CNNM3: variants seen among roughly 807,000 people sequenced by gnomAD.
The protein encoded by CNNM3 is metal transporter CNNM3.
CNNM3 carries 47 observed loss-of-function variants against 57.1 expected under a neutral mutation model. The observed-to-expected ratio is 0.82, with a 90% CI of 0.65 to 1.05. The LOEUF is 1.05. Ranked by LOEUF, CNNM3 falls within the 50% of genes least tolerant of loss-of-function variation. The pLI is 0.00. For missense variants in CNNM3, 957 were observed against 973.7 expected (o/e 0.98, Z 0.23); for synonymous variants, 507 against 478.2 (o/e 1.06, Z -0.79).
rs920332908 is a variant in CNNM3 at position 96,828,261 on chromosome 2, A to G, written c.1786+66A>G. 7 of 1,333,974 alleles carry G rather than the reference A, an allele frequency of 5.2e-6. No homozygotes were observed. The East Asian group carries it at 1.7e-4, about 32-fold the overall frequency. 82.6% of individuals were successfully genotyped at this position (1,333,974 alleles called of 1,614,324 possible). A position where few individuals can be genotyped will look rare whatever the true frequency, so the allele number is the denominator to read the frequency against. ...GCTGCAGAGCCTGTCCCCCATCATC[A>G]CTTGGGCTCTCAGTGCCCCTCCTCA... On this transcript the variant is annotated intron_variant, in intron 5 of 7. Coordinates refer to ENST00000305510, the MANE Select transcript of CNNM3 (RefSeq NM_017623.5).
chr2:96,826,536 C>T (rs1472272855), intron 2 of CNNM3, among the ~76,000 whole-genome samples: 1 of 152,202 alleles, frequency 6.6e-6, no homozygotes, highest in African/African-American at 2.4e-5. Context: ...AGTTTTTAGT[C>T]TACATCCAGT....
In CNNM3 at chr2:96,816,799, G is replaced by C. The variant is rs1559005073; in HGVS notation, c.522G>C (p.Ser174=). ...AEVQVLRESG[S]EAERAAARRL... ...TGCAGGTGCTGCGCGAGAGCGGCTC[G>C]GAGGCGGAGCGTGCGGCGGCGCGGC... is the stretch of plus-strand genomic sequence containing the variant. Residue 174 remains serine, a synonymous_variant, in exon 1 of 8, where the codon TCG becomes TCC. Transcript: ENST00000305510. 9.8e-7 allele frequency: 1 copy of C among 1,025,600 alleles called. No individual in the cohort carries two copies. The highest frequency in any genetic ancestry group is 5.8e-5 in the Admixed American group (1 of 17,368). The allele number at this position is 1,025,600 out of a possible 1,614,324, so 63.5% of individuals were successfully genotyped here.
chr2:96,833,207 C>T lies in CNNM3; in HGVS notation c.*591C>T, dbSNP rs890682058. On this transcript the variant is annotated 3_prime_UTR_variant, in exon 8 of 8. Transcript: ENST00000305510. ...TGTGCCAAACCAGAAGCTCCACTGCCCGTAGGCTGTCCCTGTAGCCCTGCT... is the reference window on the plus strand; with the variant it reads ...TGTGCCAAACCAGAAGCTCCACTGCTCGTAGGCTGTCCCTGTAGCCCTGCT... 4.0e-5 allele frequency: 15 copies of T among 378,272 alleles called. No individual in the cohort carries two copies. The highest frequency in any genetic ancestry group is 1.4e-4 in the Admixed American group (4 of 29,492). 23.4% of individuals were successfully genotyped at this position (378,272 alleles called of 1,614,324 possible). A position where few individuals can be genotyped will look rare whatever the true frequency, so the allele number is the denominator to read the frequency against.
chr2:96,817,150 G>T lies in CNNM3; in HGVS notation c.873G>T (p.Leu291=). 7.1e-7 allele frequency: 1 copy of T among 1,412,446 alleles called. No homozygotes were observed. Among genetic ancestry groups the T allele is most frequent in the Non-Finnish European group, 9.1e-7 (1 of 1,094,008 alleles). The allele number at this position is 1,412,446 out of a possible 1,614,324, so 87.5% of individuals were successfully genotyped here. Residue 291 remains leucine, a synonymous_variant, in exon 1 of 8, where the codon CTG becomes CTT. Coordinates refer to ENST00000305510, the MANE Select transcript of CNNM3 (RefSeq NM_017623.5). The stretch of plus-strand genomic sequence containing the variant: ...CCGGGCGGCTGCGGGAGCGGGTGCT[G>T]GAGCTGGCGCGCGGCGGCGGCGACC... The part of the protein sequence containing the change: ...ARPGRLRERV[L]ELARGGGDPY...
chr2:96,836,081 T>C (rs1243491243), downstream of CNNM3, among the ~76,000 whole-genome samples: 955 of 113,586 alleles, frequency 8.4e-3, 1 homozygote, highest in African/African-American at 0.024. Flanking sequence ...CCCCTCCCCC[T>C]CCCCCCCTTT....
At position 96,822,095 on chromosome 2, in the gene CNNM3, C is replaced by T. The variant is rs541940010; in HGVS notation, c.1226-2963C>T. Among the ~76,000 whole-genome samples the T allele has an allele frequency of 5.3e-5, 8 of 151,616 alleles. No homozygotes were observed. The Middle Eastern group carries it at 0.01, about 196-fold the overall frequency. ...TTGGCTCACTGCAACCTCTGCCTCC[C>T]GGGTTCAAGTGATTCTTCTGCCTCA... On this transcript the variant is annotated intron_variant, in intron 1 of 7. Coordinates refer to ENST00000305510, the MANE Select transcript of CNNM3 (RefSeq NM_017623.5).
At chr2:96,824,900 G>T in intron 1 of CNNM3, 158 bp from the exon 2 acceptor site, 4 of 750,820 alleles carry the variant, frequency 5.3e-6, no homozygotes, top group Non-Finnish European at 6.4e-6. Context: ...CACGCTGGGA[G>T]TCTTAAGTAA....
At position 96,828,468 on chromosome 2, in the gene CNNM3, G is replaced by A. The variant is rs958893757; in HGVS notation, c.1787-99G>A. ...GCACATTGCCTCTCCAGAGTGATTG[G>A]TGGGGTGGGTCTTCGAAACTGTACA... On this transcript the variant is annotated intron_variant, in intron 5 of 7. Transcript: ENST00000305510. 2.0e-5 allele frequency: 29 copies of A among 1,433,094 alleles called. No homozygotes were observed. In the Middle Eastern group the frequency reaches 2.3e-3, roughly 116 times the overall value. The allele number at this position is 1,433,094 out of a possible 1,614,324, so 88.8% of individuals were successfully genotyped here. A position where few individuals can be genotyped will look rare whatever the true frequency, so the allele number is the denominator to read the frequency against.
intron 1 of CNNM3, among the ~76,000 whole-genome samples, chr2:96,822,952 C>T (rs529031911): frequency 1.3e-5 from 2 of 152,254 alleles, no homozygotes; most frequent in Admixed American, 1.3e-4. Context: ...GTGAGCTGCT[C>T]GTGGCTCCTT....
rs2079548966 is a variant in CNNM3 at position 96,828,558 on chromosome 2, C to T, written c.1787-9C>T. The T allele has an allele frequency of 3.7e-6, 6 of 1,614,086 alleles. No individual in the cohort carries two copies. The highest frequency in any genetic ancestry group is 5.1e-6 in the Non-Finnish European group (6 of 1,180,018). ...TGGCTCCTGCCATCACTGATTGTTC[C>T]TTTGATAGTTCACCAGTCCCCGGTG... On this transcript the variant is annotated splice_polypyrimidine_tract_variant and intron_variant, in intron 5 of 7. Transcript: ENST00000305510.
intron 2 of CNNM3, among the ~76,000 whole-genome samples, chr2:96,826,215 A>AT (rs527800719): frequency 2.6e-4 from 39 of 147,444 alleles, no homozygotes; most frequent in African/African-American, 2.2e-4. Flanking sequence ...TTATTTTTTA[A>AT]TTTTTTTTTT....
chr2:96,828,671 AG>A lies in CNNM3; in HGVS notation c.1894del (p.Ala632ArgfsTer98). ...TGCGTATTGTCCCGACTACACCGTGAGGGCGCTCTCTGATCTGCAGCTCATC... is the reference window on the plus strand; with the variant it reads ...TGCGTATTGTCCCGACTACACCGTGAGGCGCTCTCTGATCTGCAGCTCATC... The part of the protein sequence containing the change: ...SSAYCPDYTV[R>X]ALSDLQLIKV... On this transcript the variant is annotated frameshift_variant, in exon 6 of 8. Transcript: ENST00000305510. LOFTEE classifies it high-confidence loss of function. 6.2e-7 allele frequency: 1 copy of A among 1,614,084 alleles called. No homozygotes were observed. Among genetic ancestry groups the A allele is most frequent in the East Asian group, 2.2e-5 (1 of 44,854 alleles).
chr2:96,816,377 C>A lies in CNNM3; in HGVS notation c.100C>A (p.Leu34Met), dbSNP rs1238453499. Residue 34 changes from leucine to methionine, a missense_variant, in exon 1 of 8, where the codon CTG becomes ATG. Leu to Met is a conservative substitution (Grantham distance 15). Around this residue, in one of 2 missense-constraint regions of CNNM3, gnomAD observed 466 missense variants for 403.1 expected, o/e 1.16. Transcript: ENST00000305510. ...AGEAAPGPRV[L>M]GFCLEEDGAA... is the part of the protein sequence containing the mutation. ...GGAGGCCGCGCCGGGCCCGCGAGTG[C>A]TGGGCTTCTGCCTGGAGGAGGATGG... 2 of 1,343,938 alleles carry A rather than the reference C, an allele frequency of 1.5e-6. No individual in the cohort carries two copies. The highest frequency in any genetic ancestry group is 1.5e-5 in the African/African-American group (1 of 64,968). 83.3% of individuals were successfully genotyped at this position (1,343,938 alleles called of 1,614,324 possible).
In CNNM3 at chr2:96,832,738, T is replaced by A; in HGVS notation, c.*122T>A. On this transcript the variant is annotated 3_prime_UTR_variant, in exon 8 of 8. Transcript: ENST00000305510. ...CTCCAGGCCACGTTTTAGATGGCCC[T>A]TGTAGTTGCGGGTCCTGGGTGTCCT... 1 of 1,557,588 alleles carries A rather than the reference T, an allele frequency of 6.4e-7. No homozygotes were observed. The highest frequency in any genetic ancestry group is 1.2e-5 in the South Asian group (1 of 86,032).
chr2:96,828,193 C>T lies in CNNM3; in HGVS notation c.1784C>T (p.Ser595Leu), dbSNP rs200295176. ...GTGTCGGCCCTAACTGTGCCATCCTCGGGTAAGCCACGGCCCTGCTGATGC... is the reference window on the plus strand; with the variant it reads ...GTGTCGGCCCTAACTGTGCCATCCTTGGGTAAGCCACGGCCCTGCTGATGC... ...YGVSALTVPS[S>L]VHQSPVSSLQ... is the part of the protein sequence containing the mutation. Residue 595 changes from serine to leucine, a missense_variant and splice_region_variant, in exon 5 of 8, where the codon TCG becomes TTG. Ser to Leu is a moderately radical substitution (Grantham distance 145). This residue lies in a region of CNNM3 where 491 missense variants were observed against 570.6 expected (regional missense o/e 0.86). Transcript: ENST00000305510. 26 of 1,613,474 alleles carry T rather than the reference C, an allele frequency of 1.6e-5. No individual in the cohort carries two copies. Among genetic ancestry groups the T allele is most frequent in the East Asian group, 2.2e-5 (1 of 44,854 alleles).
chr2:96,816,515 G>T lies in CNNM3; in HGVS notation c.238G>T (p.Ala80Ser), dbSNP rs887168165. Reference protein sequence around the residue: ...GFANSSWSWVAPEGAGCREEA... With the variant: ...GFANSSWSWVSPEGAGCREEA... ...CGCCAACAGCTCTTGGTCCTGGGTG[G>T]CCCCGGAGGGGGCGGGCTGCCGGGA... Residue 80 changes from alanine (A) to serine (S), a missense_variant, in exon 1 of 8, where the codon GCC (alanine) becomes TCC (serine). This residue lies in a region of CNNM3 where 466 missense variants were observed against 403.1 expected (regional missense o/e 1.16). Coordinates refer to ENST00000305510, the MANE Select transcript of CNNM3 (RefSeq NM_017623.5). The T allele has an allele frequency of 7.2e-6, 10 of 1,395,882 alleles. No homozygotes were observed. The African/African-American group carries it at 1.1e-4, about 15-fold the overall frequency. 86.5% of individuals were successfully genotyped at this position (1,395,882 alleles called of 1,614,324 possible).
At position 96,816,466 on chromosome 2, in the gene CNNM3, C is replaced by A. The variant is rs2079318451; in HGVS notation, c.189C>A (p.Leu63=). 2 of 1,455,968 alleles carry A rather than the reference C, an allele frequency of 1.4e-6. No individual in the cohort carries two copies. The highest frequency in any genetic ancestry group is 2.7e-5 in the South Asian group (2 of 73,698). The allele number at this position is 1,455,968 out of a possible 1,614,324, so 90.2% of individuals were successfully genotyped here. A position where few individuals can be genotyped will look rare whatever the true frequency, so the allele number is the denominator to read the frequency against. The change falls in exon 1 of 8, where the codon CTC becomes CTA. Residue 63 remains leucine (L), a synonymous_variant. Coordinates refer to ENST00000305510, the MANE Select transcript of CNNM3 (RefSeq NM_017623.5). ...GGGACACGCCGGACGCCACCTTCCTCCTGCGCCTCTTCGGCCCGGGCTTCG... is the reference window on the plus strand; with the variant it reads ...GGGACACGCCGGACGCCACCTTCCTACTGCGCCTCTTCGGCCCGGGCTTCG... The part of the protein sequence containing the change: ...AARDTPDATF[L]LRLFGPGFAN...
At chr2:96,827,215 C>T (rs1163244055) in intron 3 of CNNM3, among the ~76,000 whole-genome samples, 2 of 151,926 alleles carry the variant, frequency 1.3e-5, no homozygotes, top group Non-Finnish European at 2.9e-5. Flanking sequence ...GCACCACAGC[C>T]AGGGGGCCTC....
chr2:96,828,489 G>A, intron 5 of CNNM3, 78 bp from the exon 6 acceptor site: 2 of 1,576,156 alleles, frequency 1.3e-6, no homozygotes, highest in Non-Finnish European at 1.7e-6. Context: ...CTTCGAAACT[G>A]TACAGTTGTC....
Sources: allele counts gnomAD v4.1 joint callset (sites outside exome capture counted in the v4.1 genomes callset), GRCh38; gene constraint gnomAD v4.1.1; regional missense constraint gnomAD v4.1.1; transcripts MANE v1.5; gene names NCBI Gene and HGNC (gene_info 2026-07-23, HGNC 2026-07-21).